The following DRG2 variants were observed in gnomAD, a reference collection of about 807,000 sequenced individuals.
DRG2 encodes developmentally-regulated GTP-binding protein 2.
In DRG2, 36 loss-of-function variants were observed where a neutral mutation model predicts 53.4. That is an observed-to-expected ratio of 0.67 (90% confidence interval 0.52 to 0.89). DRG2 has a LOEUF of 0.89. Ranked by LOEUF, DRG2 falls within the 40% of genes least tolerant of loss-of-function variation. DRG2 has a pLI of 0.00. For missense variants in DRG2, 342 were observed against 481.2 expected, an observed-to-expected ratio of 0.71 and a Z score of 2.71; for synonymous variants, 167 against 192.1, an observed-to-expected ratio of 0.87 and a Z score of 1.08.
At chr17:18,101,089 T>A (rs1368617496) in intron 7 of DRG2, among the ~76,000 whole-genome samples, 2 of 151,654 alleles carry the variant, frequency 1.3e-5, no homozygotes, top group Non-Finnish European at 2.9e-5. Context: ...ACTCTTAGAG[T>A]CAGCTGTGAG....
rs943857337 is a variant in DRG2, at chr17:18,098,600, C to T, written c.315+241C>T. On this transcript the variant is annotated intron_variant, in intron 3 of 12. Coordinates refer to ENST00000225729, the MANE Select transcript of DRG2 (RefSeq NM_001388.5). The surrounding 1 kb of genome is among the most constrained non-coding windows in gnomAD (Gnocchi z 4.1). ...AGCATGTGGCTACTTTGCCTGGCGC[C>T]CCCTGTGCTCTCCTCCCCAACACCA... The T allele has an allele frequency of 8.1e-6, 4 of 491,864 alleles. No individual in the cohort carries two copies. Among genetic ancestry groups the T allele is most frequent in the Non-Finnish European group, 1.5e-5 (4 of 269,338 alleles). 30.5% of individuals were successfully genotyped at this position (491,864 alleles called of 1,614,324 possible).
chr17:18,091,872 A>AG (rs2045340114), intron 1 of DRG2: 1 of 152,226 alleles, frequency 6.6e-6, no homozygotes, highest in Non-Finnish European at 1.5e-5. Flanking sequence ...AGAAAAAAAA[A>AG]GAAATCTGCC....
At position 18,099,487 on chromosome 17, in the gene DRG2, T is replaced by C. The variant is rs376579127; in HGVS notation, c.377-146T>C. 2 of 805,402 alleles carry C rather than the reference T, an allele frequency of 2.5e-6. No homozygotes were observed. The highest frequency in any genetic ancestry group is 2.3e-4 in the Middle Eastern group (1 of 4,422). 49.9% of individuals were successfully genotyped at this position (805,402 alleles called of 1,614,324 possible). ...GAAATAAGTCTCCGTCAGTAAAACA[T>C]GTGGATTAAAGAAAAATGCCAAGCT... On this transcript the variant is annotated intron_variant, in intron 4 of 12. Transcript: ENST00000225729. The surrounding 1 kb of genome is among the most constrained non-coding windows in gnomAD (Gnocchi z 4.4).
rs918409242 is a variant in DRG2 at position 18,099,060 on chromosome 17, T to C, written c.359T>C (p.Ile120Thr). ...NIQLLDLPGI[I>T]EGAAQGKGRG... is the part of the protein sequence containing the mutation. ...CAGCTCCTGGACCTTCCTGGAATCA[T>C]TGAAGGCGCAGCCCAAGGTGGGAGG... Residue 120 changes from isoleucine (I) to threonine (T), a missense_variant, in exon 4 of 13, where the codon ATT (isoleucine) becomes ACT (threonine). By Grantham distance (89) the Ile-to-Thr change is moderately conservative. Coordinates refer to ENST00000225729, the MANE Select transcript of DRG2 (RefSeq NM_001388.5). This position sits in a 1 kb window ranked among gnomAD's most constrained non-coding sequence, Gnocchi z 4.4. The C allele has an allele frequency of 1.9e-6, 3 of 1,613,944 alleles. No individual in the cohort carries two copies. Among genetic ancestry groups the C allele is most frequent in the Middle Eastern group, 1.6e-4 (1 of 6,082 alleles).
Position 18,104,563 on chromosome 17 carries a change from C to G in DRG2, c.896-60C>G, listed in dbSNP as rs888647536. The G allele has an allele frequency of 4.5e-5, 72 of 1,610,814 alleles. No homozygotes were observed. In the Admixed American group the frequency reaches 1.2e-3, roughly 26 times the overall value. Reference sequence around the variant, plus strand: ...GGCCAGCTCTTCCCTCGCGCAGAATCACAAGATGGCAGTGTGGGCCCTGAT... The same window carrying G: ...GGCCAGCTCTTCCCTCGCGCAGAATGACAAGATGGCAGTGTGGGCCCTGAT... On this transcript the variant is annotated intron_variant, in intron 10 of 12. Transcript: ENST00000225729.
chr17:18,099,888 T>C lies in DRG2; in HGVS notation c.467+165T>C. ...ACACCACCCAGCCTATGGCGTCTTC[T>C]CCTCAAGGCTTGTGTCCAGCCAGCA... is the stretch of plus-strand genomic sequence containing the variant. On this transcript the variant is annotated intron_variant, in intron 5 of 12. Coordinates refer to ENST00000225729, the MANE Select transcript of DRG2 (RefSeq NM_001388.5). The surrounding 1 kb of genome is among the most constrained non-coding windows in gnomAD (Gnocchi z 4.4). 1 of 691,400 alleles carries C rather than the reference T, an allele frequency of 1.4e-6. No individual in the cohort carries two copies. The highest frequency in any genetic ancestry group is 1.8e-5 in the South Asian group (1 of 54,312). The allele number at this position is 691,400 out of a possible 1,614,324, so 42.8% of individuals were successfully genotyped here. A position where few individuals can be genotyped will look rare whatever the true frequency, so the allele number is the denominator to read the frequency against.
intron 11 of DRG2, chr17:18,105,401 C>T (rs1338995966): frequency 6.6e-6 from 1 of 152,528 alleles, no homozygotes; most frequent in Non-Finnish European, 1.5e-5. Context: ...CCTGCAGCCC[C>T]TTAGGACAGT....
At chr17:18,106,034 A>T in intron 11 of DRG2, 1 of 225,802 alleles carries the variant, frequency 4.4e-6, no homozygotes, top group Non-Finnish European at 9.1e-6. Context: ...TTCAGGCCAC[A>T]GGTGGGGCCA....
intron 10 of DRG2, among the ~76,000 whole-genome samples, chr17:18,104,300 G>A (rs780221611): frequency 6.6e-6 from 1 of 152,226 alleles, no homozygotes; most frequent in East Asian, 1.9e-4. Context: ...GTGAGCTACA[G>A]CTTCCCTCAC....
At chr17:18,104,439 G>A in intron 10 of DRG2, 184 bp from the exon 11 acceptor site, 3 of 1,304,424 alleles carry the variant, frequency 2.3e-6, no homozygotes, top group Non-Finnish European at 3.1e-6. Context: ...ACTGTGTTAA[G>A]ATCAAGGTCG....
At position 18,098,438 on chromosome 17, in the gene DRG2, T is replaced by A. The variant is rs2045471077; in HGVS notation, c.315+79T>A. On this transcript the variant is annotated intron_variant, in intron 3 of 12. Transcript: ENST00000225729. This position sits in a 1 kb window ranked among gnomAD's most constrained non-coding sequence, Gnocchi z 4.1. ...CTTGTGCCTGTGCCCACCCTGTGTG[T>A]GAGTCTGGGTGGATGTCCCCATGTC... 1 of 1,274,908 alleles carries A rather than the reference T, an allele frequency of 7.8e-7. No individual in the cohort carries two copies. Among genetic ancestry groups the A allele is most frequent in the Non-Finnish European group, 1.1e-6 (1 of 876,662 alleles). 79.0% of individuals were successfully genotyped at this position (1,274,908 alleles called of 1,614,324 possible).
chr17:18,093,935 G>GC lies in DRG2; in HGVS notation c.190dup (p.Arg64ProfsTer12). On this transcript the variant is annotated frameshift_variant, in exon 2 of 13. Coordinates refer to ENST00000225729, the MANE Select transcript of DRG2 (RefSeq NM_001388.5). LOFTEE classifies it high-confidence loss of function. The stretch of plus-strand genomic sequence containing the variant: ...CTTTGATGTCATGAAGTCGGGTGAT[G>GC]CCCGTGTGGCGCTGATTGGATTTCC... The GC allele has an allele frequency of 6.2e-7, 1 of 1,614,218 alleles. No individual in the cohort carries two copies. The highest frequency in any genetic ancestry group is 8.5e-7 in the Non-Finnish European group (1 of 1,180,050).
At chr17:18,106,306 TG>T (rs2045629258) in intron 11 of DRG2, 126 bp from the exon 12 acceptor site, 2 of 996,574 alleles carry the variant, frequency 2.0e-6, no homozygotes, top group Non-Finnish European at 3.2e-6. Context: ...AGGCCCAGAC[TG>T]TGTGGGCACC....
intron 9 of DRG2, among the ~76,000 whole-genome samples, chr17:18,102,482 G>A (rs906827635): frequency 1.7e-4 from 7 of 40,614 alleles, no homozygotes; most frequent in South Asian, 1.8e-3. Flanking sequence ...TTAGCTGGGC[G>A]TGGTGGCGTG....
intron 1 of DRG2, among the ~76,000 whole-genome samples, chr17:18,092,414 C>G (rs76089176): frequency 0.055 from 8,368 of 152,206 alleles, 304 homozygotes; most frequent in Middle Eastern, 0.1. Context: ...CCACTGAACT[C>G]TAGTCTGAGT....
chr17:18,094,958 G>A (rs373523395), intron 2 of DRG2, among the ~76,000 whole-genome samples: 7 of 52,918 alleles, frequency 1.3e-4, no homozygotes, highest in African/African-American at 5.8e-4. Flanking sequence ...TGGGCAACAA[G>A]AGCAAAACTC....
In DRG2 at chr17:18,100,910, G is replaced by T. The variant is rs2045520840; in HGVS notation, c.631+251G>T. Among the ~76,000 whole-genome samples the T allele has an allele frequency of 6.6e-6, 1 of 152,194 alleles. No individual in the cohort carries two copies. Among genetic ancestry groups the T allele is most frequent in the African/African-American group, 2.4e-5 (1 of 41,450 alleles). On this transcript the variant is annotated intron_variant, in intron 7 of 12. Coordinates refer to ENST00000225729, the MANE Select transcript of DRG2 (RefSeq NM_001388.5). The surrounding 1 kb of genome is among the most constrained non-coding windows in gnomAD (Gnocchi z 4.1). ...AGCCAGATGACATCCGGAAGAAAAA[G>T]ATGTCATGGGAAACAGCCTCTGAGG...
rs192620720 is a variant in DRG2, at chr17:18,099,450, G to A, written c.377-183G>A. On this transcript the variant is annotated intron_variant, in intron 4 of 12. Coordinates refer to ENST00000225729, the MANE Select transcript of DRG2 (RefSeq NM_001388.5). This position sits in a 1 kb window ranked among gnomAD's most constrained non-coding sequence, Gnocchi z 4.4. Reference sequence around the variant, plus strand: ...TTACTCCTTTTATGATGGTGGTGTCGGATTTTCTTCTGAAATAAGTCTCCG... The same window carrying A: ...TTACTCCTTTTATGATGGTGGTGTCAGATTTTCTTCTGAAATAAGTCTCCG... 3.5e-3 allele frequency: 2,376 copies of A among 683,134 alleles called. 12 individuals are homozygous for A. Among genetic ancestry groups the A allele is most frequent in the Non-Finnish European group, 5.0e-3 (1,957 of 388,666 alleles). 42.3% of individuals were successfully genotyped at this position (683,134 alleles called of 1,614,324 possible).
intron 1 of DRG2, among the ~76,000 whole-genome samples, chr17:18,090,628 G>C (rs939803689): frequency 1.3e-5 from 2 of 151,474 alleles, no homozygotes; most frequent in Non-Finnish European, 2.9e-5. Context: ...TCGGACTCCG[G>C]ACCTCAGTTG....
Sources: allele counts gnomAD v4.1 joint callset (sites outside exome capture counted in the v4.1 genomes callset), GRCh38; gene constraint gnomAD v4.1.1; non-coding constraint Gnocchi (gnomAD v3.1); transcripts MANE v1.5; gene names NCBI Gene and HGNC (gene_info 2026-07-23, HGNC 2026-07-21).